RAD18: variants seen among roughly 807,000 people sequenced by gnomAD.
RAD18 encodes RAD18 E3 ubiquitin protein ligase, also known as E3 ubiquitin-protein ligase RAD18.
RAD18 carries 47 observed loss-of-function variants against 60.4 expected under a neutral mutation model. The ratio of observed to expected loss-of-function variants is 0.78; its 90% CI spans 0.62 to 0.99. RAD18 has a LOEUF of 0.99. Among genes scored for constraint, RAD18 ranks in the 50% least tolerant of loss-of-function variants. The pLI is 0.00. For missense variants in RAD18, 640 were observed against 593.3 expected (o/e 1.08, Z -0.82); for synonymous variants, 225 against 195.5 (o/e 1.15, Z -1.26).
chr3:8,932,018 T>C (rs968749439), intron 7 of RAD18, among the ~76,000 whole-genome samples: 1 of 152,208 alleles, frequency 6.6e-6, no homozygotes, highest in Non-Finnish European at 1.5e-5. Flanking sequence ...GGATCATAGA[T>C]TTAAATATAA....
intron 7 of RAD18, among the ~76,000 whole-genome samples, chr3:8,915,147 CAAAAAA>C (rs373157801): frequency 9.9e-6 from 1 of 101,458 alleles, no homozygotes; most frequent in Non-Finnish European, 1.9e-5. Flanking sequence ...GACTCCGTCT[CAAAAAA>C]AAAAAAAAAA....
chr3:8,933,349 AC>A (rs1233892323), intron 7 of RAD18, among the ~76,000 whole-genome samples: 1 of 152,162 alleles, frequency 6.6e-6, no homozygotes, highest in Non-Finnish European at 1.5e-5. Context: ...GGGCACTGGA[AC>A]TTTTGCTGAT....
intron 9 of RAD18, among the ~76,000 whole-genome samples, chr3:8,904,338 A>T (rs189972174): frequency 7.0e-4 from 107 of 152,326 alleles, no homozygotes; most frequent in Non-Finnish European, 1.4e-3. Context: ...CTAAATTGTG[A>T]CGCACAAGGA....
chr3:8,962,070 C>T (rs1227579513), intron 1 of RAD18, among the ~76,000 whole-genome samples: 1 of 152,202 alleles, frequency 6.6e-6, no homozygotes, highest in African/African-American at 2.4e-5. Flanking sequence ...TTTGAGCACC[C>T]ACTTGGTGTC....
chr3:8,890,407 G>A lies in RAD18; in HGVS notation c.1367C>T (p.Ala456Val). The A allele has an allele frequency of 1.3e-6, 2 of 1,593,956 alleles. No individual in the cohort carries two copies. The highest frequency in any genetic ancestry group is 1.7e-6 in the Non-Finnish European group (2 of 1,161,858). ...IIRDLLEEEEAWEASHKNDLQ... is the reference protein window; with the variant it reads ...IIRDLLEEEEVWEASHKNDLQ... ...AACTCACTTATGTGATGCTTCCCAG[G>A]CTTCCTCTTCTTCTAAAAGATCTCT... The change falls in exon 12 of 13, where the codon GCC becomes GTC. Residue 456 changes from alanine to valine, a missense_variant. Transcript: ENST00000264926.
In RAD18 at chr3:8,951,956, A is replaced by C. The variant is rs540000338; in HGVS notation, c.134-3386T>G. On this transcript the variant is annotated intron_variant, in intron 2 of 12. Transcript: ENST00000264926. ...CATGAGGGGGTGAGGAGTGACCATA[A>C]GCTCCGGTATCTCTTCTCATACGGA... 3.9e-5 allele frequency among the ~76,000 whole-genome samples: 6 copies of C among 152,312 alleles called. No homozygotes were observed. The East Asian group carries it at 1.2e-3, about 29-fold the overall frequency.
intron 7 of RAD18, among the ~76,000 whole-genome samples, chr3:8,925,331 G>A (rs62242222): frequency 0.83 from 126,931 of 152,040 alleles, 53,210 homozygotes; most frequent in South Asian, 0.9. Flanking sequence ...TAAATTCCTC[G>A]ACACATACAC....
chr3:8,941,326 A>C (rs1356884491), intron 5 of RAD18, 141 bp downstream of exon 5: 1 of 756,742 alleles, frequency 1.3e-6, no homozygotes, highest in East Asian at 2.7e-5. Context: ...ACATATCTAC[A>C]ACAATGTCTG....
rs1200018838 is a variant in RAD18, at chr3:8,958,974, T to C, written c.79A>G (p.Ile27Val). The change falls in exon 2 of 13, where the codon ATT becomes GTT. Residue 27 changes from isoleucine to valine, a missense_variant. Physicochemically the swap from Ile to Val is conservative, Grantham distance 29. Coordinates refer to ENST00000264926, the MANE Select transcript of RAD18 (RefSeq NM_020165.4). Reference sequence around the variant, plus strand: ...GCAATGTTGAAATACTCGAAGCAAATTCCACACCGCAGCAAATCATCTATT... The same window carrying C: ...GCAATGTTGAAATACTCGAAGCAAACTCCACACCGCAGCAAATCATCTATT... The part of the protein sequence containing the change: ...KTIDDLLRCG[I>V]CFEYFNIAMI... 5.0e-6 allele frequency: 8 copies of C among 1,613,422 alleles called. No homozygotes were observed. Among genetic ancestry groups the C allele is most frequent in the Non-Finnish European group, 6.8e-6 (8 of 1,179,634 alleles).
chr3:8,929,827 G>C (rs1486455990), intron 7 of RAD18, among the ~76,000 whole-genome samples: 1 of 152,096 alleles, frequency 6.6e-6, no homozygotes, highest in Non-Finnish European at 1.5e-5. Flanking sequence ...ATTTTAAGTA[G>C]AGACGGGGTT....
chr3:8,947,037 TAAGTA>T (rs1429593335), intron 4 of RAD18, 178 bp downstream of exon 4: 9 of 570,956 alleles, frequency 1.6e-5, no homozygotes, highest in Non-Finnish European at 2.8e-5. Context: ...GAATTTCTGT[TAAGTA>T]AAGGAAGAAA....
intron 7 of RAD18, among the ~76,000 whole-genome samples, chr3:8,926,980 A>T (rs1159265857): frequency 6.6e-6 from 1 of 152,082 alleles, no homozygotes. Flanking sequence ...AGGCAATACC[A>T]TTCAGGACAT....
At chr3:8,896,895 C>T (rs1254285499) in intron 11 of RAD18, among the ~76,000 whole-genome samples, 1 of 151,940 alleles carries the variant, frequency 6.6e-6, no homozygotes, top group Non-Finnish European at 1.5e-5. Context: ...AGAATACATT[C>T]CTTTTAGTCA....
At chr3:8,905,272 A>C (rs1360190197) in intron 9 of RAD18, among the ~76,000 whole-genome samples, 1 of 152,192 alleles carries the variant, frequency 6.6e-6, no homozygotes, top group African/African-American at 2.4e-5. Flanking sequence ...CCTGAATCAT[A>C]CCATCCTTTG....
rs896895169 is a variant in RAD18 at position 8,880,950 on chromosome 3, T to G, written c.*407A>C. 1 of 164,600 alleles carries G rather than the reference T, an allele frequency of 6.1e-6. No individual in the cohort carries two copies. Among genetic ancestry groups the G allele is most frequent in the Non-Finnish European group, 1.3e-5 (1 of 75,900 alleles). 10.2% of individuals were successfully genotyped at this position (164,600 alleles called of 1,614,324 possible). A position where few individuals can be genotyped will look rare whatever the true frequency, so the allele number is the denominator to read the frequency against. ...ACAAACATTTAACTCAACTGTTTCT[T>G]GCAATAAAGAAGTTGAAAGAATCCT... On this transcript the variant is annotated 3_prime_UTR_variant, in exon 13 of 13. Transcript: ENST00000264926.
chr3:8,923,564 C>T (rs374723150), intron 7 of RAD18, among the ~76,000 whole-genome samples: 13 of 151,856 alleles, frequency 8.6e-5, no homozygotes, highest in African/African-American at 2.4e-4. Context: ...ATACAGAGAA[C>T]GCCACAGAGA....
intron 7 of RAD18, among the ~76,000 whole-genome samples, chr3:8,935,636 T>G (rs139469412): frequency 1.7e-4 from 26 of 152,232 alleles, no homozygotes; most frequent in South Asian, 6.2e-4. Flanking sequence ...GATAGGCACA[T>G]GAGAAACTGG....
intron 9 of RAD18, among the ~76,000 whole-genome samples, chr3:8,908,464 TA>T (rs1457550963): frequency 3.3e-5 from 5 of 151,814 alleles, no homozygotes; most frequent in Non-Finnish European, 5.9e-5. Context: ...TCAAGAGACA[TA>T]GGGAGAAGAT....
At chr3:8,934,834 T>C (rs772656573) in intron 7 of RAD18, among the ~76,000 whole-genome samples, 2 of 152,116 alleles carry the variant, frequency 1.3e-5, no homozygotes, top group African/African-American at 4.8e-5. Flanking sequence ...TATTAAACAC[T>C]GAATGGATAA....
Sources: allele counts gnomAD v4.1 joint callset (sites outside exome capture counted in the v4.1 genomes callset), GRCh38; gene constraint gnomAD v4.1.1; transcripts MANE v1.5; gene names NCBI Gene and HGNC (gene_info 2026-07-23, HGNC 2026-07-21).